The following CNTN5 variants were observed in gnomAD, a reference collection of about 807,000 sequenced individuals.
CNTN5 encodes contactin 5.
In CNTN5, 77 loss-of-function variants were observed where a neutral mutation model predicts 129.1. That is an observed-to-expected ratio of 0.60 (90% confidence interval 0.50 to 0.72). The LOEUF is 0.72. Ranked by LOEUF, CNTN5 falls within the 30% of genes least tolerant of loss-of-function variation. CNTN5 has a pLI of 0.00. For missense variants in CNTN5, 1,478 were observed against 1,328.8 expected (o/e 1.11, Z -1.75); for synonymous variants, 509 against 465.6 (o/e 1.09, Z -1.20).
intron 3 of CNTN5, among the ~76,000 whole-genome samples, chr11:99,572,576 C>T (rs939305148): frequency 2.0e-4 from 31 of 152,236 alleles, no homozygotes; most frequent in African/African-American, 6.7e-4. Context: ...ACTTCCTTAA[C>T]ACGGAAATGA....
At chr11:99,704,444 T>A (rs183784643) in intron 3 of CNTN5, among the ~76,000 whole-genome samples, 4 of 151,134 alleles carry the variant, frequency 2.6e-5, no homozygotes, top group South Asian at 2.1e-4. Flanking sequence ...GGTTCCTAGA[T>A]GAAGGTTACA....
intron 2 of CNTN5, among the ~76,000 whole-genome samples, chr11:99,512,431 C>A (rs1946873910): frequency 6.6e-6 from 1 of 152,152 alleles, no homozygotes; most frequent in Non-Finnish European, 1.5e-5. Flanking sequence ...TGGGGCATTT[C>A]TCAAAATATA....
At chr11:99,754,913 CTGT>C (rs1944358569) in intron 3 of CNTN5, among the ~76,000 whole-genome samples, 1 of 152,168 alleles carries the variant, frequency 6.6e-6, no homozygotes, top group Non-Finnish European at 1.5e-5. Flanking sequence ...TATACTGGAA[CTGT>C]TCATTCCCCT....
intron 9 of CNTN5, among the ~76,000 whole-genome samples, chr11:100,025,200 G>C (rs893325424): frequency 6.6e-6 from 1 of 152,214 alleles, no homozygotes; most frequent in African/African-American, 2.4e-5. Context: ...GGCTGAAAGA[G>C]GCCAAAATAC....
intron 1 of CNTN5, among the ~76,000 whole-genome samples, chr11:99,061,591 C>T (rs1198818609): frequency 6.6e-6 from 1 of 152,074 alleles, no homozygotes; most frequent in African/African-American, 2.4e-5. Flanking sequence ...ACACACACTC[C>T]AGATAAGATC....
At chr11:99,388,700 T>C (rs1217893235) in intron 2 of CNTN5, among the ~76,000 whole-genome samples, 1 of 152,136 alleles carries the variant, frequency 6.6e-6, no homozygotes, top group Non-Finnish European at 1.5e-5. Flanking sequence ...ACGAAACTTT[T>C]TACACCTGCT....
At chr11:99,403,807 G>T (rs1217186034) in intron 2 of CNTN5, among the ~76,000 whole-genome samples, 1 of 152,126 alleles carries the variant, frequency 6.6e-6, no homozygotes, top group East Asian at 1.9e-4. Context: ...TCCATGTGCT[G>T]AGGAGAATAA....
rs191145831 is a variant in CNTN5, at chr11:100,037,047, C to A, written c.981-24165C>A. 6.5e-4 allele frequency among the ~76,000 whole-genome samples: 98 copies of A among 151,890 alleles called. No individual in the cohort carries two copies. In the East Asian group the frequency reaches 0.016, roughly 25 times the overall value. ...AGAGAGGGCATCCCTGTCTTGTGCC[C>A]GTTTTCAAAGGGAATGCTTCCAGTT... On this transcript the variant is annotated intron_variant, in intron 9 of 24. Transcript: ENST00000524871.
At chr11:99,461,952 A>C (rs2135236418) in intron 2 of CNTN5, among the ~76,000 whole-genome samples, 1 of 152,338 alleles carries the variant, frequency 6.6e-6, no homozygotes, top group African/African-American at 2.4e-5. Context: ...TGATGCCTAA[A>C]ACTTCAAAGC....
At chr11:99,565,411 T>C (rs78827033) in intron 3 of CNTN5, among the ~76,000 whole-genome samples, 2 of 152,218 alleles carry the variant, frequency 1.3e-5, no homozygotes, top group African/African-American at 2.4e-5. Context: ...AGACTTTTCA[T>C]GTATTCTTCT....
intron 3 of CNTN5, among the ~76,000 whole-genome samples, chr11:99,750,601 T>C (rs1270366658): frequency 1.3e-5 from 2 of 150,566 alleles, no homozygotes; most frequent in East Asian, 4.0e-4. Flanking sequence ...AAAAAGATAA[T>C]AAATTTTGTT....
rs572318782 is a variant in CNTN5, at chr11:99,313,778, C to G, written c.-209-11568C>G. Reference sequence around the variant, plus strand: ...GTCTATAATAATCAAAACAACTGAACAGCAAATATTTATTCTAATGATTTG... The same window carrying G: ...GTCTATAATAATCAAAACAACTGAAGAGCAAATATTTATTCTAATGATTTG... On this transcript the variant is annotated intron_variant, in intron 1 of 24. Transcript: ENST00000524871. Among the ~76,000 whole-genome samples the G allele has an allele frequency of 1.6e-3, 249 of 152,076 alleles. 1 individual carries two copies. The highest frequency in any genetic ancestry group is 5.9e-3 in the African/African-American group (244 of 41,516).
intron 6 of CNTN5, among the ~76,000 whole-genome samples, chr11:99,897,401 A>C (rs1245305606): frequency 6.6e-6 from 1 of 152,188 alleles, no homozygotes; most frequent in Non-Finnish European, 1.5e-5. Flanking sequence ...GCTAGAGAAA[A>C]GGTTCAAATC....
chr11:100,008,355 T>C (rs1360145262), intron 9 of CNTN5, among the ~76,000 whole-genome samples: 3 of 152,118 alleles, frequency 2.0e-5, no homozygotes, highest in Non-Finnish European at 4.4e-5. Flanking sequence ...AAATAATGTG[T>C]GCCAGTACCT....
intron 19 of CNTN5, among the ~76,000 whole-genome samples, chr11:100,298,629 C>G (rs958228594): frequency 4.0e-5 from 6 of 151,254 alleles, no homozygotes; most frequent in African/African-American, 1.2e-4. Context: ...AGTTGAAGCC[C>G]ATGTAACCAA....
intron 9 of CNTN5, among the ~76,000 whole-genome samples, chr11:100,030,953 A>T (rs1206897297): frequency 6.6e-6 from 1 of 152,158 alleles, no homozygotes; most frequent in South Asian, 2.1e-4. Context: ...GTCTAAATAG[A>T]TATTAAATAA....
intron 18 of CNTN5, among the ~76,000 whole-genome samples, chr11:100,288,444 G>T (rs565167767): frequency 6.6e-6 from 1 of 152,234 alleles, no homozygotes; most frequent in Non-Finnish European, 1.5e-5. Context: ...TAGAACTCAG[G>T]ATTAAGAACC....
At chr11:99,336,669 G>A (rs1565500463) in intron 2 of CNTN5, among the ~76,000 whole-genome samples, 2 of 151,968 alleles carry the variant, frequency 1.3e-5, no homozygotes, top group South Asian at 2.1e-4. Context: ...GTGAGACTCC[G>A]TCTCTACTAA....
At chr11:99,668,667 G>T (rs1466777808) in intron 3 of CNTN5, among the ~76,000 whole-genome samples, 1 of 152,116 alleles carries the variant, frequency 6.6e-6, no homozygotes, top group Non-Finnish European at 1.5e-5. Context: ...AGTGGCTCAT[G>T]CCTGTAATCC....
Sources: gnomAD v4.1 joint callset for allele counts (sites outside exome capture counted in the v4.1 genomes callset) on GRCh38, gnomAD v4.1.1 for gene constraint, MANE v1.5 for transcripts, NCBI Gene and HGNC (gene_info 2026-07-23, HGNC 2026-07-21) for gene names.